Variants in PCDH15 observed in about 807,000 individuals in gnomAD.
The protein encoded by PCDH15 is protocadherin-15.
A neutral mutation model predicts 178.5 loss-of-function variants in PCDH15; 129 were observed. The ratio of observed to expected loss-of-function variants is 0.72; its 90% CI spans 0.63 to 0.84. The LOEUF (loss-of-function observed/expected upper bound fraction) is 0.84. Among genes scored for constraint, PCDH15 ranks in the 40% least tolerant of loss-of-function variants. The pLI is 0.00. For missense variants in PCDH15, 2,230 were observed against 2,099.9 expected, an observed-to-expected ratio of 1.06 and a Z score of -1.21; for synonymous variants, 800 against 732.0, an observed-to-expected ratio of 1.09 and a Z score of -1.50.
intron 2 of PCDH15, among the ~76,000 whole-genome samples, chr10:55,068,728 G>A (rs570194694): frequency 4.5e-4 from 68 of 151,890 alleles, no homozygotes; most frequent in African/African-American, 1.6e-3. Flanking sequence ...GACCTTGGAT[G>A]TCTCTCCATT....
At chr10:54,725,696 TTA>T (rs1381943375) in intron 1 of PCDH15, among the ~76,000 whole-genome samples, 1 of 151,196 alleles carries the variant, frequency 6.6e-6, no homozygotes, top group Admixed American at 6.7e-5. Flanking sequence ...CTTGAAAATT[TTA>T]TTTTTACAGT....
chr10:55,419,756 G>C (rs114365890), intron 2 of PCDH15, among the ~76,000 whole-genome samples: 1,465 of 122,672 alleles, frequency 0.012, 21 homozygotes, highest in African/African-American at 0.049. Context: ...AGTTGCTTTA[G>C]GGCTACAAGT....
chr10:54,079,913 T>G (rs1473100121), intron 16 of PCDH15, among the ~76,000 whole-genome samples: 2 of 152,242 alleles, frequency 1.3e-5, no homozygotes, highest in Non-Finnish European at 2.9e-5. Flanking sequence ...GTTTTTCTTT[T>G]TTCTTACTTT....
chr10:54,771,742 C>T (rs1949116474), intron 1 of PCDH15, among the ~76,000 whole-genome samples: 1 of 152,062 alleles, frequency 6.6e-6, no homozygotes, highest in Admixed American at 6.6e-5. Flanking sequence ...AATATTTAAA[C>T]TCAGCAGACA....
chr10:55,098,597 C>T (rs1223238471), intron 2 of PCDH15, among the ~76,000 whole-genome samples: 1 of 152,028 alleles, frequency 6.6e-6, no homozygotes, highest in Non-Finnish European at 1.5e-5. Flanking sequence ...GCCACGCTTT[C>T]AGTAAGGAGA....
rs149867749 is a variant in PCDH15, at chr10:53,840,308, A to G, written c.3983+12T>C. 9,969 of 1,613,324 alleles carry G rather than the reference A, an allele frequency of 6.2e-3. 53 individuals are homozygous for G. Among genetic ancestry groups the G allele is most frequent in the Non-Finnish European group, 7.3e-3 (8,625 of 1,179,206 alleles). On this transcript the variant is annotated intron_variant, in intron 29 of 37. Transcript: ENST00000644397. ...AACCAAAGAGCTGTTACAGATAACA[A>G]AAAGCACTTACTTAAAAAGCTCATT... is the stretch of plus-strand genomic sequence containing the variant.
chr10:53,897,326 T>C (rs1006561282), intron 26 of PCDH15, among the ~76,000 whole-genome samples: 1 of 152,116 alleles, frequency 6.6e-6, no homozygotes, highest in African/African-American at 2.4e-5. Flanking sequence ...GAAAAATAAA[T>C]TGACTAATAT....
chr10:55,535,612 C>T lies in PCDH15; in HGVS notation c.-156+92013G>A, dbSNP rs948460220. Among the ~76,000 whole-genome samples the T allele has an allele frequency of 2.6e-5, 4 of 151,924 alleles. No homozygotes were observed. In the South Asian group the frequency reaches 8.3e-4, roughly 31 times the overall value. ...TTCTGGAAAGAAATATACAAGTTAA[C>T]ATTTAACTTTGCACCTTCTAGGAAA... is the stretch of plus-strand genomic sequence containing the variant. On this transcript the variant is annotated intron_variant, in intron 2 of 5. Coordinates refer to the PCDH15 transcript ENST00000613346.
intron 14 of PCDH15, among the ~76,000 whole-genome samples, chr10:54,147,942 G>A (rs1359693686): frequency 6.6e-6 from 1 of 151,906 alleles, no homozygotes; most frequent in Non-Finnish European, 1.5e-5. Flanking sequence ...GGGGACTGCT[G>A]AGCCAAGTCA....
intron 2 of PCDH15, among the ~76,000 whole-genome samples, chr10:55,401,789 A>T (rs1457821318): frequency 6.6e-6 from 1 of 152,030 alleles, no homozygotes; most frequent in Non-Finnish European, 1.5e-5. Flanking sequence ...GACAAAACAT[A>T]TTGATATTTG....
intron 18 of PCDH15, among the ~76,000 whole-genome samples, chr10:54,065,773 C>A (rs375686026): frequency 4.3e-4 from 66 of 152,276 alleles, no homozygotes; most frequent in African/African-American, 1.5e-3. Flanking sequence ...AAAAAAGCTT[C>A]AACTGGTCAA....
At chr10:54,894,237 A>C (rs1954512281) in intron 3 of PCDH15, among the ~76,000 whole-genome samples, 1 of 152,146 alleles carries the variant, frequency 6.6e-6, no homozygotes, top group Non-Finnish European at 1.5e-5. Flanking sequence ...AAAGCAATAT[A>C]TTGTTCAGTG....
chr10:54,467,314 T>C (rs2077584285), intron 3 of PCDH15, among the ~76,000 whole-genome samples: 1 of 151,880 alleles, frequency 6.6e-6, no homozygotes, highest in Non-Finnish European at 1.5e-5. Context: ...GCCTTTGTTA[T>C]GTTGAGGTAT....
At chr10:55,010,067 G>GA (rs1325968567) in intron 2 of PCDH15, among the ~76,000 whole-genome samples, 54 of 152,100 alleles carry the variant, frequency 3.6e-4, no homozygotes, top group Admixed American at 6.6e-4. Flanking sequence ...AGTAATAGGA[G>GA]AAAAAATGAG....
chr10:55,618,614 C>T (rs1031398743), intron 2 of PCDH15, among the ~76,000 whole-genome samples: 2 of 152,036 alleles, frequency 1.3e-5, no homozygotes, highest in African/African-American at 4.8e-5. Context: ...GTGTCAAGCA[C>T]TGACATCAGC....
At chr10:54,307,151 A>T (rs1432047767) in intron 8 of PCDH15, among the ~76,000 whole-genome samples, 5 of 90,634 alleles carry the variant, frequency 5.5e-5, no homozygotes, top group East Asian at 5.0e-4. Flanking sequence ...TATATATATA[A>T]AATTGCTTCA....
chr10:55,107,522 C>T (rs1176685356), intron 2 of PCDH15, among the ~76,000 whole-genome samples: 2 of 129,630 alleles, frequency 1.5e-5, no homozygotes, highest in East Asian at 4.6e-4. Context: ...GATGGAGCCT[C>T]GCCCTGTTGC....
At chr10:55,416,593 T>A (rs1209145581) in intron 2 of PCDH15, among the ~76,000 whole-genome samples, 1 of 151,480 alleles carries the variant, frequency 6.6e-6, no homozygotes, top group Admixed American at 6.6e-5. Context: ...AAGAAAAGCA[T>A]ATGGAGCAAT....
chr10:54,717,469 C>T (rs1267670362), intron 1 of PCDH15, among the ~76,000 whole-genome samples: 1 of 145,274 alleles, frequency 6.9e-6, no homozygotes, highest in Non-Finnish European at 1.5e-5. Context: ...CAGACACTTC[C>T]CAAAAGAAGA....
Sources: allele counts gnomAD v4.1 joint callset (sites outside exome capture counted in the v4.1 genomes callset), GRCh38; gene constraint gnomAD v4.1.1; transcripts MANE v1.5; gene names NCBI Gene and HGNC (gene_info 2026-07-23, HGNC 2026-07-21).